CRCP: variants seen among roughly 807,000 people sequenced by gnomAD.
The protein encoded by CRCP is CGRP receptor component, also known as DNA-directed RNA polymerase III subunit RPC9.
In CRCP, 18 loss-of-function variants were observed where a neutral mutation model predicts 18.5. The observed-to-expected ratio is 0.97, with a 90% CI of 0.67 to 1.44. The LOEUF (loss-of-function observed/expected upper bound fraction) is 1.44. Ranked by LOEUF, CRCP falls within the 40% of genes most tolerant of loss-of-function variation. The probability of loss-of-function intolerance (pLI) is 0.00; values close to 1 mark genes in which losing one functional copy is unlikely to be tolerated. For synonymous variants in CRCP, 53 were observed against 62.9 expected (o/e 0.84, Z 0.75); for missense variants, 130 against 176.4 (o/e 0.74, Z 1.49).
intron 3 of CRCP, among the ~76,000 whole-genome samples, chr7:66,132,296 A>G (rs1182518661): frequency 6.6e-6 from 1 of 152,156 alleles, no homozygotes; most frequent in Non-Finnish European, 1.5e-5. Context: ...TATTTAGTTA[A>G]CATGTCCCCA....
chr7:66,130,655 C>G (rs2115931608), intron 2 of CRCP, 89 bp from the exon 3 acceptor site: 1 of 720,554 alleles, frequency 1.4e-6, no homozygotes, highest in Non-Finnish European at 2.4e-6. Context: ...AAGTACTATA[C>G]TTTCCTGTTT....
In CRCP at chr7:66,152,379, G is replaced by A. The variant is rs1164698429; in HGVS notation, c.*22G>A. The A allele has an allele frequency of 5.0e-6, 8 of 1,612,230 alleles. No homozygotes were observed. The highest frequency in any genetic ancestry group is 2.7e-5 in the African/African-American group (2 of 74,896). ...ATAGAAGAGCACAGCTGGCCCCGGCGTTTCATGAAGTCAGAAGGCCTGGCA... is the reference window on the plus strand; with the variant it reads ...ATAGAAGAGCACAGCTGGCCCCGGCATTTCATGAAGTCAGAAGGCCTGGCA... On this transcript the variant is annotated 3_prime_UTR_variant, in exon 6 of 6. Coordinates refer to ENST00000395326, the MANE Select transcript of CRCP (RefSeq NM_014478.5).
Position 66,152,191 on chromosome 7 carries a change from T to C in CRCP, c.298-17T>C. The C allele has an allele frequency of 6.2e-7, 1 of 1,613,848 alleles. No homozygotes were observed. The highest frequency in any genetic ancestry group is 2.2e-5 in the East Asian group (1 of 44,864). On this transcript the variant is annotated splice_polypyrimidine_tract_variant and intron_variant, in intron 5 of 5. Coordinates refer to ENST00000395326, the MANE Select transcript of CRCP (RefSeq NM_014478.5). ...AGTTTCATTTGTAACCCTGGAGGAT[T>C]TTCTTTCCTTCTGCAGATGGTGGAA... is the stretch of plus-strand genomic sequence containing the variant.
intron 3 of CRCP, among the ~76,000 whole-genome samples, chr7:66,131,989 G>T (rs1314046109): frequency 7.5e-5 from 1 of 13,386 alleles, no homozygotes; most frequent in African/African-American, 4.1e-4. Context: ...TCAAACTCCC[G>T]ACCTCATGTG....
chr7:66,124,138 G>C (rs1321875326), intron 1 of CRCP, among the ~76,000 whole-genome samples: 2 of 145,976 alleles, frequency 1.4e-5, no homozygotes, highest in Non-Finnish European at 3.0e-5. Flanking sequence ...GAGGCGGGCG[G>C]ATCACGAGGT....
Position 66,153,462 on chromosome 7 carries a change from A to G in CRCP, c.*1105A>G, listed in dbSNP as rs1403782826. ...CTAAAAAACAGAAAATATTAAGATG[A>G]TTACCATGTGAAAACCTTTTTAATA... On this transcript the variant is annotated 3_prime_UTR_variant, in exon 6 of 6. Coordinates refer to ENST00000395326, the MANE Select transcript of CRCP (RefSeq NM_014478.5). 1 of 152,062 alleles carries G rather than the reference A, an allele frequency of 6.6e-6. No individual in the cohort carries two copies. Among genetic ancestry groups the G allele is most frequent in the Non-Finnish European group, 1.5e-5 (1 of 68,012 alleles). The allele number at this position is 152,062 out of a possible 1,614,324, so 9.4% of individuals were successfully genotyped here. A position where few individuals can be genotyped will look rare whatever the true frequency, so the allele number is the denominator to read the frequency against.
chr7:66,144,741 G>T (rs1375360817), intron 4 of CRCP, among the ~76,000 whole-genome samples: 1 of 152,192 alleles, frequency 6.6e-6, no homozygotes, highest in East Asian at 1.9e-4. Flanking sequence ...GCCTCCCAAA[G>T]TGCTGGGATT....
chr7:66,128,293 C>G (rs1289095777), intron 2 of CRCP, among the ~76,000 whole-genome samples: 1 of 152,054 alleles, frequency 6.6e-6, no homozygotes, highest in Non-Finnish European at 1.5e-5. Flanking sequence ...GAGGGGGCAA[C>G]CTTCTCTAAA....
chr7:66,152,219 G>A lies in CRCP; in HGVS notation c.309G>A (p.Glu103=). The A allele has an allele frequency of 2.5e-6, 4 of 1,614,118 alleles. No individual in the cohort carries two copies. The highest frequency in any genetic ancestry group is 3.4e-6 in the Non-Finnish European group (4 of 1,179,986). The part of the protein sequence containing the change: ...TAVEIQLMVE[E]SEERLTEEQI... Reference sequence around the variant, plus strand: ...CTTTCCTTCTGCAGATGGTGGAAGAGAGTGAAGAGCGGCTCACGGAGGAGC... The same window carrying A: ...CTTTCCTTCTGCAGATGGTGGAAGAAAGTGAAGAGCGGCTCACGGAGGAGC... The change falls in exon 6 of 6, where the codon GAG becomes GAA. Residue 103 remains glutamate (E), a synonymous_variant. Transcript: ENST00000395326.
At chr7:66,123,694 G>A (rs2115882516) in intron 1 of CRCP, among the ~76,000 whole-genome samples, 1 of 151,166 alleles carries the variant, frequency 6.6e-6, no homozygotes, top group South Asian at 2.1e-4. Flanking sequence ...GTTATGGTGA[G>A]CTGAGATCAT....
intron 1 of CRCP, among the ~76,000 whole-genome samples, chr7:66,119,384 T>C (rs542209586): frequency 3.3e-5 from 5 of 152,218 alleles, no homozygotes; most frequent in African/African-American, 1.2e-4. Flanking sequence ...TAAACCTAAG[T>C]AGGTGTTTTG....
chr7:66,140,279 C>T (rs145606902), intron 4 of CRCP, among the ~76,000 whole-genome samples: 1 of 152,246 alleles, frequency 6.6e-6, no homozygotes, highest in Non-Finnish European at 1.5e-5. Flanking sequence ...CACATCCATC[C>T]TCCACCCCAA....
At chr7:66,126,113 T>G (rs1039577365) in intron 1 of CRCP, among the ~76,000 whole-genome samples, 1 of 149,608 alleles carries the variant, frequency 6.7e-6, no homozygotes, top group African/African-American at 2.4e-5. Context: ...AGCAGCACTT[T>G]TGTGAAATCG....
intron 5 of CRCP, among the ~76,000 whole-genome samples, chr7:66,149,894 C>T (rs1788404620): frequency 6.6e-6 from 1 of 152,066 alleles, no homozygotes; most frequent in African/African-American, 2.4e-5. Flanking sequence ...ACAACCTCTG[C>T]CTCCTGGGTT....
At chr7:66,120,554 T>C (rs1787407237) in intron 1 of CRCP, 1 of 151,970 alleles carries the variant, frequency 6.6e-6, no homozygotes, top group African/African-American at 2.4e-5. Context: ...GGTCCTCACC[T>C]GGTCTTCAAC....
chr7:66,132,080 G>C (rs1039382966), intron 3 of CRCP, among the ~76,000 whole-genome samples: 1 of 10,652 alleles, frequency 9.4e-5, no homozygotes, highest in Non-Finnish European at 1.8e-4. Flanking sequence ...TTACATAAAA[G>C]TTGTAGAGAC....
At chr7:66,116,813 G>A (rs1314781641) in intron 1 of CRCP, among the ~76,000 whole-genome samples, 1 of 151,984 alleles carries the variant, frequency 6.6e-6, no homozygotes, top group African/African-American at 2.4e-5. Context: ...TGGTCTACGG[G>A]AATGACTGTT....
intron 1 of CRCP, among the ~76,000 whole-genome samples, chr7:66,125,796 A>G (rs1787602153): frequency 6.7e-6 from 1 of 149,288 alleles, no homozygotes; most frequent in East Asian, 2.0e-4. Flanking sequence ...CGATGGATCC[A>G]TTGGCCCTGA....
At chr7:66,127,853 C>A in intron 2 of CRCP, 113 bp downstream of exon 2, 2 of 1,166,518 alleles carry the variant, frequency 1.7e-6, no homozygotes, top group Non-Finnish European at 2.5e-6. Flanking sequence ...GTGGTTCACG[C>A]CTGTAATCCC....
Sources: gnomAD v4.1 joint callset for allele counts (sites outside exome capture counted in the v4.1 genomes callset) on GRCh38, gnomAD v4.1.1 for gene constraint, MANE v1.5 for transcripts, NCBI Gene and HGNC (gene_info 2026-07-23, HGNC 2026-07-21) for gene names.